SAMD5: variants seen among roughly 807,000 people sequenced by gnomAD.
SAMD5 encodes the protein sterile alpha motif domain containing 5, also known as sterile alpha motif domain-containing protein 5.
SAMD5 carries 13 observed loss-of-function variants against 11.3 expected under a neutral mutation model. That is an observed-to-expected ratio of 1.15 (90% CI 0.75 to 1.83). SAMD5 has a LOEUF of 1.83. Among genes scored for constraint, SAMD5 ranks in the 40% most tolerant of loss-of-function variants. SAMD5 has a pLI of 0.00. For missense variants in SAMD5, 255 were observed against 239.1 expected, an observed-to-expected ratio of 1.07 and a Z score of -0.44; for synonymous variants, 129 against 111.3, an observed-to-expected ratio of 1.16 and a Z score of -1.00.
intron 1 of SAMD5, among the ~76,000 whole-genome samples, chr6:147,703,379 T>C (rs1791282073): frequency 6.6e-6 from 1 of 152,118 alleles, no homozygotes; most frequent in African/African-American, 2.4e-5. Context: ...GCTACTCACT[T>C]GTAATTTGAA....
At chr6:147,733,702 A>T (rs1434456122) in intron 1 of SAMD5, 2 of 481,258 alleles carry the variant, frequency 4.2e-6, no homozygotes, top group African/African-American at 4.2e-5. Context: ...TTATATCTGA[A>T]TCCCCGCTGT....
chr6:147,554,219 G>T (rs1299522751), intron 1 of SAMD5, among the ~76,000 whole-genome samples: 2 of 152,136 alleles, frequency 1.3e-5, no homozygotes, highest in African/African-American at 2.4e-5. Context: ...CAGTACGGGG[G>T]TAACCACCTC....
intron 1 of SAMD5, among the ~76,000 whole-genome samples, chr6:147,646,464 T>C (rs567463261): frequency 6.6e-6 from 1 of 152,212 alleles, no homozygotes; most frequent in South Asian, 2.1e-4. Context: ...AGGATTTCGA[T>C]TGGCCTGTTT....
chr6:147,698,902 A>G (rs1004476783), intron 1 of SAMD5, among the ~76,000 whole-genome samples: 8 of 152,154 alleles, frequency 5.3e-5, no homozygotes, highest in African/African-American at 1.4e-4. Flanking sequence ...CTTTCAGTGG[A>G]GAGGTATCAG....
the SAMD5 span, among the ~76,000 whole-genome samples, chr6:147,752,257 C>A: frequency 6.6e-6 from 1 of 152,116 alleles, no homozygotes; most frequent in Non-Finnish European, 1.5e-5. Context: ...AAACTGTTGT[C>A]TTTATCAAAA....
At chr6:147,831,039 A>T in the SAMD5 span, among the ~76,000 whole-genome samples, 1 of 152,232 alleles carries the variant, frequency 6.6e-6, no homozygotes. Context: ...CGTAAGAGGA[A>T]CAGAGGTTCC....
chr6:147,752,784 G>A, the SAMD5 span, among the ~76,000 whole-genome samples: 2 of 152,164 alleles, frequency 1.3e-5, no homozygotes, highest in Admixed American at 1.3e-4. Context: ...GTTAAGGCAG[G>A]AATGAACACA....
intron 1 of SAMD5, among the ~76,000 whole-genome samples, chr6:147,704,957 C>T (rs1160960141): frequency 6.6e-6 from 1 of 152,162 alleles, no homozygotes; most frequent in Non-Finnish European, 1.5e-5. Context: ...CACATTTTGT[C>T]ACCAGTAACT....
the SAMD5 span, among the ~76,000 whole-genome samples, chr6:147,752,077 T>C: frequency 1.4e-4 from 21 of 152,312 alleles, no homozygotes; most frequent in South Asian, 4.3e-3. Flanking sequence ...ATAATATATT[T>C]GTAGAGCAGA....
chr6:147,794,625 A>G, the SAMD5 span, among the ~76,000 whole-genome samples: 20,421 of 152,174 alleles, frequency 0.13, 1,724 homozygotes, highest in East Asian at 0.36. Flanking sequence ...ATGAATATTA[A>G]GAACTTTTAC....
At chr6:147,640,354 G>A (rs887140822) in intron 1 of SAMD5, among the ~76,000 whole-genome samples, 2 of 150,802 alleles carry the variant, frequency 1.3e-5, no homozygotes, top group Non-Finnish European at 3.0e-5. Flanking sequence ...AAAAATTGCC[G>A]GGTGTGGTGG....
the SAMD5 span, among the ~76,000 whole-genome samples, chr6:147,795,455 C>T: frequency 1.2e-4 from 18 of 144,080 alleles, no homozygotes; most frequent in Admixed American, 3.5e-4. Context: ...TTTCTTAATC[C>T]AGTCTATCAT....
the SAMD5 span, among the ~76,000 whole-genome samples, chr6:147,755,125 A>G: frequency 6.6e-6 from 1 of 152,156 alleles, no homozygotes; most frequent in East Asian, 1.9e-4. Context: ...TAGGGATTAC[A>G]TTGAATCTAT....
chr6:147,856,724 C>T, the SAMD5 span, among the ~76,000 whole-genome samples: 2 of 151,700 alleles, frequency 1.3e-5, no homozygotes, highest in Non-Finnish European at 2.9e-5. Flanking sequence ...ACCCATCTTC[C>T]TCCTTTTAAC....
At chr6:147,588,785 C>T (rs886266277) in intron 1 of SAMD5, among the ~76,000 whole-genome samples, 19 of 152,056 alleles carry the variant, frequency 1.2e-4, no homozygotes, top group South Asian at 2.1e-4. Flanking sequence ...ACTTAACTTA[C>T]GGAAACTGGT....
chr6:147,824,597 A>C, the SAMD5 span, among the ~76,000 whole-genome samples: 1 of 152,176 alleles, frequency 6.6e-6, no homozygotes, highest in African/African-American at 2.4e-5. Flanking sequence ...TGGGGTAAAA[A>C]AAGAGGAAAA....
chr6:147,633,170 A>C (rs913512074), intron 1 of SAMD5, among the ~76,000 whole-genome samples: 2 of 152,216 alleles, frequency 1.3e-5, no homozygotes, highest in African/African-American at 4.8e-5. Context: ...GGCGTGATGA[A>C]TTTTGTTCTC....
At chr6:147,578,692 T>G (rs1208603528) in intron 1 of SAMD5, among the ~76,000 whole-genome samples, 20 of 152,158 alleles carry the variant, frequency 1.3e-4, no homozygotes, top group Admixed American at 1.3e-3. Context: ...CAATTTGGTG[T>G]TCATAATCAT....
chr6:147,750,095 G>A, the SAMD5 span, among the ~76,000 whole-genome samples: 1 of 152,130 alleles, frequency 6.6e-6, no homozygotes, highest in South Asian at 2.1e-4. Flanking sequence ...TTTCCTGTAG[G>A]AGACATAGAA....
Sources: allele counts gnomAD v4.1 joint callset (sites outside exome capture counted in the v4.1 genomes callset), GRCh38; gene constraint gnomAD v4.1.1; transcripts MANE v1.5; gene names NCBI Gene and HGNC (gene_info 2026-07-23, HGNC 2026-07-21).